Variants in NRXN1 observed in about 807,000 individuals in gnomAD.
NRXN1 encodes neurexin-1.
In NRXN1, 39 loss-of-function variants were observed where a neutral mutation model predicts 150.9. That is an observed-to-expected ratio of 0.26 (90% confidence interval 0.20 to 0.34). NRXN1 has a LOEUF of 0.34. Ranked by LOEUF, NRXN1 falls within the 10% of genes least tolerant of loss-of-function variation. NRXN1 has a pLI of 1.00. For synonymous variants in NRXN1, 924 were observed against 757.0 expected, an observed-to-expected ratio of 1.22 and a Z score of -3.62; for missense variants, 1,815 against 1,949.9, an observed-to-expected ratio of 0.93 and a Z score of 1.30.
intron 18 of NRXN1, among the ~76,000 whole-genome samples, chr2:50,097,379 C>T (rs894520143): frequency 1.3e-5 from 2 of 152,136 alleles, no homozygotes; most frequent in Non-Finnish European, 2.9e-5. Flanking sequence ...TCTCTCTATG[C>T]TTGTACTCAT....
chr2:50,036,472 T>C (rs1383989652), intron 21 of NRXN1, among the ~76,000 whole-genome samples: 1 of 152,206 alleles, frequency 6.6e-6, no homozygotes, highest in Non-Finnish European at 1.5e-5. Context: ...TTCTAATTGT[T>C]ATCCCAAATT....
chr2:50,511,795 G>GAC (rs1054119865), intron 12 of NRXN1, among the ~76,000 whole-genome samples: 1 of 151,998 alleles, frequency 6.6e-6, no homozygotes, highest in African/African-American at 2.4e-5. Context: ...TAGAGAGAGA[G>GAC]ACACACACTC....
chr2:50,200,292 A>T (rs1457989206), intron 18 of NRXN1, among the ~76,000 whole-genome samples: 1 of 152,176 alleles, frequency 6.6e-6, no homozygotes, highest in African/African-American at 2.4e-5. Context: ...AACTACCTGC[A>T]AACTTAGTAT....
chr2:50,417,652 A>C (rs2083647831), intron 17 of NRXN1, among the ~76,000 whole-genome samples: 1 of 151,954 alleles, frequency 6.6e-6, no homozygotes, highest in Admixed American at 6.6e-5. Context: ...ATAAGTGTGA[A>C]AACCCTGTTA....
intron 18 of NRXN1, among the ~76,000 whole-genome samples, chr2:50,185,896 T>G (rs1380488982): frequency 6.6e-6 from 1 of 152,110 alleles, no homozygotes; most frequent in African/African-American, 2.4e-5. Flanking sequence ...AAAATAGTTT[T>G]ACTCAGTGTG....
chr2:50,817,041 T>C (rs906343863), intron 5 of NRXN1, among the ~76,000 whole-genome samples: 2 of 152,060 alleles, frequency 1.3e-5, no homozygotes, highest in Non-Finnish European at 2.9e-5. Flanking sequence ...AAAAGGGTCA[T>C]GAGGAAGGCA....
chr2:50,262,213 G>A (rs758779557), intron 17 of NRXN1, among the ~76,000 whole-genome samples: 5 of 151,928 alleles, frequency 3.3e-5, no homozygotes, highest in Non-Finnish European at 5.9e-5. Flanking sequence ...CAACACAGTA[G>A]AGGACATTTT....
intron 5 of NRXN1, among the ~76,000 whole-genome samples, chr2:50,878,015 A>G (rs1284559136): frequency 7.7e-6 from 1 of 129,878 alleles, no homozygotes; most frequent in Non-Finnish European, 1.8e-5. Flanking sequence ...AGGGACTGCA[A>G]GTTCTGTTTT....
intron 17 of NRXN1, among the ~76,000 whole-genome samples, chr2:50,334,266 C>G (rs1004432825): frequency 2.7e-5 from 4 of 149,204 alleles, no homozygotes; most frequent in African/African-American, 1.0e-4. Context: ...CACACACATA[C>G]ATACACACAC....
chr2:50,140,146 T>A (rs1377959044), intron 18 of NRXN1, among the ~76,000 whole-genome samples: 1 of 152,166 alleles, frequency 6.6e-6, no homozygotes, highest in Non-Finnish European at 1.5e-5. Context: ...ATATACAGCA[T>A]GAAAGATTGC....
At chr2:50,811,983 A>G (rs952551875) in intron 5 of NRXN1, among the ~76,000 whole-genome samples, 3 of 152,164 alleles carry the variant, frequency 2.0e-5, no homozygotes, top group African/African-American at 7.2e-5. Context: ...CAGAAGTATG[A>G]CACCTTGGGA....
At chr2:50,935,770 G>GA (rs372236029) in intron 2 of NRXN1, among the ~76,000 whole-genome samples, 32 of 141,084 alleles carry the variant, frequency 2.3e-4, no homozygotes, top group East Asian at 4.2e-4. Context: ...AAAAGCAAAA[G>GA]AAAAAAAAAA....
intron 21 of NRXN1, among the ~76,000 whole-genome samples, chr2:49,948,725 A>G (rs1021976830): frequency 1.5e-4 from 23 of 152,060 alleles, no homozygotes; most frequent in African/African-American, 5.5e-4. Context: ...CTTGCTGTTG[A>G]GAGAGTGGTA....
chr2:50,518,964 T>G (rs994506765), intron 12 of NRXN1, among the ~76,000 whole-genome samples: 4 of 151,926 alleles, frequency 2.6e-5, no homozygotes, highest in Non-Finnish European at 4.4e-5. Flanking sequence ...TTTTCTTCCT[T>G]TCTTTTTACT....
intron 17 of NRXN1, among the ~76,000 whole-genome samples, chr2:50,385,115 T>C (rs2081241414): frequency 6.6e-6 from 1 of 152,184 alleles, no homozygotes; most frequent in Non-Finnish European, 1.5e-5. Context: ...ACTTTAGCGT[T>C]TAATCCAAAC....
At chr2:50,214,270 C>A (rs2063232623) in intron 18 of NRXN1, among the ~76,000 whole-genome samples, 1 of 151,978 alleles carries the variant, frequency 6.6e-6, no homozygotes, top group Admixed American at 6.6e-5. Context: ...ACTCTGTGAT[C>A]ACAATTCCTG....
intron 5 of NRXN1, among the ~76,000 whole-genome samples, chr2:50,878,493 T>C (rs1678942967): frequency 2.0e-5 from 3 of 151,954 alleles, no homozygotes. Context: ...TATTTTGTTT[T>C]TGTTTTTTCC....
At chr2:50,018,283 G>A (rs1304499789) in intron 21 of NRXN1, among the ~76,000 whole-genome samples, 1 of 152,066 alleles carries the variant, frequency 6.6e-6, no homozygotes, top group Admixed American at 6.5e-5. Flanking sequence ...TCTTTGTCTT[G>A]ACATTAATGA....
chr2:50,769,793 G>A (rs868811359), intron 5 of NRXN1, among the ~76,000 whole-genome samples: 2 of 152,080 alleles, frequency 1.3e-5, no homozygotes, highest in African/African-American at 2.4e-5. Context: ...CTTTGGGGAA[G>A]AAATGGGAAA....
Sources: allele counts gnomAD v4.1 joint callset (sites outside exome capture counted in the v4.1 genomes callset), GRCh38; gene constraint gnomAD v4.1.1; transcripts MANE v1.5; gene names NCBI Gene and HGNC (gene_info 2026-07-23, HGNC 2026-07-21).